The following CYTH3 variants were observed in gnomAD, a reference collection of about 807,000 sequenced individuals.
CYTH3 encodes cytohesin 3, also known as cytohesin-3.
CYTH3 carries 23 observed loss-of-function variants against 55.1 expected under a neutral mutation model. The ratio of observed to expected loss-of-function variants is 0.42; its 90% CI spans 0.30 to 0.59. The LOEUF (loss-of-function observed/expected upper bound fraction) is 0.59. Among genes scored for constraint, CYTH3 ranks in the 20% least tolerant of loss-of-function variants. The probability of loss-of-function intolerance (pLI) is 0.20; values close to 1 mark genes in which losing one functional copy is unlikely to be tolerated. For missense variants in CYTH3, 413 were observed against 524.8 expected, an observed-to-expected ratio of 0.79 and a Z score of 2.08; for synonymous variants, 249 against 194.9, an observed-to-expected ratio of 1.28 and a Z score of -2.31.
chr7:6,216,610 G>A (rs568902394), intron 1 of CYTH3, among the ~76,000 whole-genome samples: 65 of 151,722 alleles, frequency 4.3e-4, no homozygotes, highest in East Asian at 3.9e-4. Flanking sequence ...GTGTGGTGAC[G>A]CACACCTATG....
At chr7:6,253,216 ATTT>A (rs35516602) in intron 1 of CYTH3, among the ~76,000 whole-genome samples, 24 of 139,378 alleles carry the variant, frequency 1.7e-4, no homozygotes, top group African/African-American at 4.8e-4. Flanking sequence ...CACGAAAACA[ATTT>A]TTTTTTTTTT....
intron 1 of CYTH3, among the ~76,000 whole-genome samples, chr7:6,227,061 CAGAGCAAGACTCTGTCTAAAAAAAAA>C (rs1779274893): frequency 1.5e-5 from 2 of 136,600 alleles, no homozygotes; most frequent in African/African-American, 5.8e-5. Context: ...GCCTGGGCAA[CAGAGCAAGACTCTGTCTAAAAAAAAA>C]AAAAAAAAAG....
At chr7:6,246,574 TA>T (rs905614979) in intron 1 of CYTH3, among the ~76,000 whole-genome samples, 8 of 152,116 alleles carry the variant, frequency 5.3e-5, no homozygotes, top group East Asian at 1.9e-4. Flanking sequence ...AATTTTTTTT[TA>T]AAACCATACC....
At chr7:6,268,403 CAA>C (rs1325467129) in intron 1 of CYTH3, among the ~76,000 whole-genome samples, 3 of 152,050 alleles carry the variant, frequency 2.0e-5, no homozygotes, top group African/African-American at 7.3e-5. Context: ...TTCCTGACCT[CAA>C]ATGATCCACC....
At chr7:6,243,225 G>A (rs1210715991) in intron 1 of CYTH3, among the ~76,000 whole-genome samples, 1 of 152,220 alleles carries the variant, frequency 6.6e-6, no homozygotes, top group Non-Finnish European at 1.5e-5. Flanking sequence ...AGCGCAAACT[G>A]CCCTTGGTAA....
chr7:6,259,205 A>G (rs1224018045), intron 1 of CYTH3, among the ~76,000 whole-genome samples: 1 of 152,226 alleles, frequency 6.6e-6, no homozygotes, highest in Non-Finnish European at 1.5e-5. Context: ...GAAAAAAATC[A>G]CTAATTACCT....
At chr7:6,219,569 T>C (rs1784500834) in intron 1 of CYTH3, among the ~76,000 whole-genome samples, 1 of 152,078 alleles carries the variant, frequency 6.6e-6, no homozygotes, top group Admixed American at 6.6e-5. Flanking sequence ...TTTGAAGAGA[T>C]TTAAGCCTGT....
chr7:6,269,287 T>C (rs1583212061), intron 1 of CYTH3, among the ~76,000 whole-genome samples: 1 of 152,230 alleles, frequency 6.6e-6, no homozygotes, highest in Admixed American at 6.5e-5. Context: ...CGTTCAAATA[T>C]TTCAAACTTG....
intron 1 of CYTH3, among the ~76,000 whole-genome samples, chr7:6,265,722 C>T (rs867984022): frequency 2.6e-5 from 4 of 151,906 alleles, no homozygotes; most frequent in African/African-American, 9.7e-5. Flanking sequence ...CTCAATAAAC[C>T]GAGGAAAGAG....
chr7:6,226,550 C>T (rs1354253135), intron 1 of CYTH3, among the ~76,000 whole-genome samples: 2 of 152,094 alleles, frequency 1.3e-5, no homozygotes, highest in Non-Finnish European at 2.9e-5. Flanking sequence ...TGGCTGAAGC[C>T]CCAGTGAGGA....
intron 1 of CYTH3, among the ~76,000 whole-genome samples, chr7:6,195,052 C>T (rs1015662221): frequency 3.9e-5 from 6 of 151,926 alleles, no homozygotes; most frequent in African/African-American, 1.5e-4. Flanking sequence ...TAGGCCATAT[C>T]TTCTTCCTAA....
chr7:6,161,875 G>A lies in CYTH3; in HGVS notation c.*3069C>T, dbSNP rs935143445. The A allele has an allele frequency of 1.3e-5, 2 of 152,544 alleles. No homozygotes were observed. The highest frequency in any genetic ancestry group is 2.9e-5 in the Non-Finnish European group (2 of 68,042). The allele number at this position is 152,544 out of a possible 1,614,324, so 9.4% of individuals were successfully genotyped here. On this transcript the variant is annotated 3_prime_UTR_variant, in exon 13 of 13. Transcript: ENST00000350796. ...CAATCTTACTTCACTTTACAACCAA[G>A]TATCAATAGAGGCTGTTCCTTCATG... is the stretch of plus-strand genomic sequence containing the variant.
intron 1 of CYTH3, among the ~76,000 whole-genome samples, chr7:6,201,852 A>T (rs1784065295): frequency 6.6e-6 from 1 of 152,212 alleles, no homozygotes; most frequent in Non-Finnish European, 1.5e-5. Flanking sequence ...CAAAATGCCC[A>T]AATTGGGAAA....
intron 1 of CYTH3, among the ~76,000 whole-genome samples, chr7:6,237,438 G>A (rs1213651926): frequency 6.6e-6 from 1 of 152,114 alleles, no homozygotes; most frequent in Non-Finnish European, 1.5e-5. Context: ...AGCCCGGTGT[G>A]GTGGCTCACA....
In CYTH3 at chr7:6,183,654, G is replaced by C. The variant is rs1053086171; in HGVS notation, c.249+3396C>G. 1.2e-4 allele frequency among the ~76,000 whole-genome samples: 18 copies of C among 152,162 alleles called. 1 individual carries two copies. The highest frequency in any genetic ancestry group is 2.1e-4 in the Non-Finnish European group (14 of 68,034). Reference sequence around the variant, plus strand: ...TCATAGTGTTACAGGTTTAATAGGGGCATGGGGAGGTAGATATAATTTTGA... The same window carrying C: ...TCATAGTGTTACAGGTTTAATAGGGCCATGGGGAGGTAGATATAATTTTGA... On this transcript the variant is annotated intron_variant, in intron 4 of 12. Transcript: ENST00000350796.
chr7:6,165,171 G>A, intron 12 of CYTH3, 102 bp downstream of exon 12: 3 of 1,552,966 alleles, frequency 1.9e-6, no homozygotes, highest in South Asian at 1.2e-5. Flanking sequence ...GGAGACAGAA[G>A]GTCCACTCTT....
At position 6,164,786 on chromosome 7, in the gene CYTH3, C is replaced by T. The variant is rs1361865029; in HGVS notation, c.*158G>A. On this transcript the variant is annotated 3_prime_UTR_variant, in exon 13 of 13. Transcript: ENST00000350796. ...ACCTCCCAGGACCCCAGCCACGGCA[C>T]GAGGCCTTGGGGATACCACCTGGGC... The T allele has an allele frequency of 1.0e-5, 8 of 794,990 alleles. No individual in the cohort carries two copies. Among genetic ancestry groups the T allele is most frequent in the Admixed American group, 4.3e-5 (2 of 46,282 alleles). The allele number at this position is 794,990 out of a possible 1,614,324, so 49.2% of individuals were successfully genotyped here.
intron 5 of CYTH3, among the ~76,000 whole-genome samples, chr7:6,175,333 A>C (rs183272994): frequency 6.6e-6 from 1 of 152,232 alleles, no homozygotes; most frequent in Non-Finnish European, 1.5e-5. Flanking sequence ...TCTGAAGCAC[A>C]ATATTCTGAT....
chr7:6,220,813 C>T (rs914351323), intron 1 of CYTH3, among the ~76,000 whole-genome samples: 9 of 152,098 alleles, frequency 5.9e-5, no homozygotes, highest in East Asian at 3.9e-4. Context: ...CTGGGCAACA[C>T]GGTGAAACCC....
Sources: allele counts gnomAD v4.1 joint callset (sites outside exome capture counted in the v4.1 genomes callset), GRCh38; gene constraint gnomAD v4.1.1; transcripts MANE v1.5; gene names NCBI Gene and HGNC (gene_info 2026-07-23, HGNC 2026-07-21).